RARB: variants seen among roughly 807,000 people sequenced by gnomAD.
RARB encodes the protein retinoic acid receptor beta.
In RARB, 17 loss-of-function variants were observed where a neutral mutation model predicts 51.9. That is an observed-to-expected ratio of 0.33 (90% CI 0.22 to 0.49). The LOEUF (loss-of-function observed/expected upper bound fraction) is 0.49. Among genes scored for constraint, RARB ranks in the 20% least tolerant of loss-of-function variants. The pLI is 0.99. For missense variants in RARB, 369 were observed against 550.8 expected (o/e 0.67, Z 3.30); for synonymous variants, 215 against 195.4 (o/e 1.10, Z -0.84).
chr3:25,366,829 A>C (rs1464618645), intron 5 of RARB, among the ~76,000 whole-genome samples: 2 of 152,150 alleles, frequency 1.3e-5, no homozygotes, highest in African/African-American at 4.8e-5. Context: ...TTGCATTTGG[A>C]ATTGTTCATG....
At chr3:25,230,182 A>C (rs1346929934) in intron 5 of RARB, among the ~76,000 whole-genome samples, 1 of 152,088 alleles carries the variant, frequency 6.6e-6, no homozygotes, top group African/African-American at 2.4e-5. Flanking sequence ...AAAAATAACT[A>C]TTTGGAGAGG....
chr3:25,045,306 C>T (rs1278687054), intron 2 of RARB, among the ~76,000 whole-genome samples: 3 of 152,152 alleles, frequency 2.0e-5, no homozygotes, highest in African/African-American at 7.2e-5. Flanking sequence ...TCCCTTTCTT[C>T]TCTCCCCTAA....
chr3:25,046,225 G>T (rs1698210873), intron 2 of RARB, among the ~76,000 whole-genome samples: 1 of 152,206 alleles, frequency 6.6e-6, no homozygotes, highest in Non-Finnish European at 1.5e-5. Context: ...TGCTGGGGTA[G>T]ACTGATAAGC....
At chr3:24,862,403 T>C (rs1251432731) in intron 2 of RARB, among the ~76,000 whole-genome samples, 1 of 152,204 alleles carries the variant, frequency 6.6e-6, no homozygotes, top group African/African-American at 2.4e-5. Context: ...CAGTCATCCC[T>C]CCTTATCCAT....
Position 25,076,150 on chromosome 3 carries a change from T to A in RARB, c.-328+15974T>A, listed in dbSNP as rs555246237. ...TATCCCCAGAAGCAGTTATTTATTT[T>A]TTTTTTTTTTAGACAAAATCTCTCT... On this transcript the variant is annotated intron_variant, in intron 3 of 11. Coordinates refer to the RARB transcript ENST00000383772. 3.9e-3 allele frequency among the ~76,000 whole-genome samples: 594 copies of A among 151,450 alleles called. 3 individuals carry two copies. The highest frequency in any genetic ancestry group is 0.014 in the African/African-American group (570 of 41,440).
At chr3:24,866,893 A>G (rs1176311092) in intron 2 of RARB, among the ~76,000 whole-genome samples, 27 of 152,096 alleles carry the variant, frequency 1.8e-4, no homozygotes, top group Admixed American at 1.4e-3. Flanking sequence ...GGCGGGAGAA[A>G]GGGAGAGTGA....
intron 2 of RARB, among the ~76,000 whole-genome samples, chr3:25,044,434 A>C (rs965266767): frequency 1.3e-5 from 2 of 152,148 alleles, no homozygotes; most frequent in African/African-American, 4.8e-5. Context: ...AATTGTTGAG[A>C]GGAAGAAAGG....
Position 25,237,291 on chromosome 3 carries a change from G to A in RARB, c.178+62716G>A, listed in dbSNP as rs116215125. Among the ~76,000 whole-genome samples, 364 of 152,166 alleles carry A rather than the reference G, an allele frequency of 2.4e-3. 1 individual carries two copies. Among genetic ancestry groups the A allele is most frequent in the African/African-American group, 7.9e-3 (329 of 41,554 alleles). ...ATTTATTAGACAACCCCAAAGGGTG[G>A]CTTCCCAAAGCAGCATTATAAAATG... On this transcript the variant is annotated intron_variant, in intron 5 of 11. Transcript: ENST00000383772.
intron 3 of RARB, among the ~76,000 whole-genome samples, chr3:25,085,949 A>T (rs1305423194): frequency 6.6e-6 from 1 of 152,186 alleles, no homozygotes; most frequent in East Asian, 1.9e-4. Context: ...ACAACCTAAA[A>T]TGGATGATCT....
At chr3:25,080,492 A>G (rs1698971854) in intron 3 of RARB, among the ~76,000 whole-genome samples, 1 of 152,182 alleles carries the variant, frequency 6.6e-6, no homozygotes, top group South Asian at 2.1e-4. Flanking sequence ...GAACTGCCAA[A>G]CTGTATTTCC....
chr3:25,383,845 G>A (rs1188910463), intron 5 of RARB, among the ~76,000 whole-genome samples: 2 of 151,502 alleles, frequency 1.3e-5, no homozygotes, highest in African/African-American at 2.4e-5. Context: ...CAGGAGAATT[G>A]CTTGAACCTG....
intron 5 of RARB, among the ~76,000 whole-genome samples, chr3:25,308,563 C>A (rs1356518996): frequency 2.6e-5 from 4 of 151,798 alleles, no homozygotes. Context: ...ATTCTCGTGC[C>A]TCAGCCTCCA....
chr3:24,903,463 T>C (rs1703648491), intron 2 of RARB, among the ~76,000 whole-genome samples: 1 of 152,202 alleles, frequency 6.6e-6, no homozygotes, highest in Admixed American at 6.6e-5. Flanking sequence ...ATATTTGTAA[T>C]CACAATATAT....
At chr3:25,362,576 G>T (rs545431517) in intron 5 of RARB, among the ~76,000 whole-genome samples, 7 of 152,322 alleles carry the variant, frequency 4.6e-5, no homozygotes, top group African/African-American at 1.4e-4. Context: ...CCAGTTTTGT[G>T]CTTGAAACCC....
intron 5 of RARB, among the ~76,000 whole-genome samples, chr3:25,279,204 T>C (rs890982013): frequency 9.9e-5 from 15 of 152,182 alleles, no homozygotes; most frequent in African/African-American, 3.6e-4. Context: ...GGACATATTA[T>C]TGTAAAATCA....
At chr3:25,390,128 A>G (rs1414843905) in intron 5 of RARB, among the ~76,000 whole-genome samples, 1 of 152,148 alleles carries the variant, frequency 6.6e-6, no homozygotes, top group Non-Finnish European at 1.5e-5. Context: ...TGACATTAAG[A>G]GGTGGGACTT....
intron 2 of RARB, among the ~76,000 whole-genome samples, chr3:24,997,830 A>G (rs1014197133): frequency 1.3e-4 from 20 of 152,336 alleles, no homozygotes; most frequent in Non-Finnish European, 2.2e-4. Flanking sequence ...AATAGTGAGT[A>G]TAACAGTCTA....
At chr3:25,041,342 G>A (rs1176245448) in intron 2 of RARB, among the ~76,000 whole-genome samples, 1 of 151,912 alleles carries the variant, frequency 6.6e-6, no homozygotes, top group South Asian at 2.1e-4. Flanking sequence ...TTTCAAGGTT[G>A]CCGTTTAATA....
At chr3:25,305,801 A>G (rs1704140544) in intron 5 of RARB, among the ~76,000 whole-genome samples, 1 of 152,208 alleles carries the variant, frequency 6.6e-6, no homozygotes, top group Admixed American at 6.5e-5. Flanking sequence ...AAAAATAAGG[A>G]AAAGGGACTT....
Sources: allele counts gnomAD v4.1 joint callset (sites outside exome capture counted in the v4.1 genomes callset), GRCh38; gene constraint gnomAD v4.1.1; transcripts MANE v1.5; gene names NCBI Gene and HGNC (gene_info 2026-07-23, HGNC 2026-07-21).